KCTD8: variants seen among roughly 807,000 people sequenced by gnomAD.
The protein encoded by KCTD8 is BTB/POZ domain-containing protein KCTD8.
A neutral mutation model predicts 31.5 loss-of-function variants in KCTD8; 27 were observed. The observed-to-expected ratio is 0.86, with a 90% CI of 0.63 to 1.18. KCTD8 has a LOEUF of 1.18. Among genes scored for constraint, KCTD8 ranks in the 50% most tolerant of loss-of-function variants. The probability of loss-of-function intolerance (pLI) is 0.00; values close to 1 mark genes in which losing one functional copy is unlikely to be tolerated. For missense variants in KCTD8, 658 were observed against 647.7 expected (o/e 1.02, Z -0.17); for synonymous variants, 290 against 280.0 (o/e 1.04, Z -0.36).
At chr4:44,193,448 T>G (rs1713824051) in intron 1 of KCTD8, among the ~76,000 whole-genome samples, 1 of 152,118 alleles carries the variant, frequency 6.6e-6, no homozygotes, top group Admixed American at 6.6e-5. Context: ...ATCCTGAAAA[T>G]GGTGTTAAAA....
intron 1 of KCTD8, among the ~76,000 whole-genome samples, chr4:44,409,669 C>G (rs1266753287): frequency 1.3e-5 from 2 of 151,054 alleles, no homozygotes; most frequent in African/African-American, 4.9e-5. Flanking sequence ...TAATTACAAC[C>G]AGGTAGAAAA....
chr4:44,319,812 C>T (rs183069986), intron 1 of KCTD8, among the ~76,000 whole-genome samples: 2 of 152,096 alleles, frequency 1.3e-5, no homozygotes, highest in Non-Finnish European at 2.9e-5. Context: ...TTCCAGAAAG[C>T]CTTATGTTTT....
chr4:44,407,388 T>C (rs1017223559), intron 1 of KCTD8, among the ~76,000 whole-genome samples: 4 of 151,408 alleles, frequency 2.6e-5, no homozygotes, highest in African/African-American at 4.8e-5. Context: ...TCTCTTTTTT[T>C]CTTTTTTTTT....
chr4:44,295,876 A>G (rs1177280947), intron 1 of KCTD8, among the ~76,000 whole-genome samples: 1 of 152,178 alleles, frequency 6.6e-6, no homozygotes, highest in Non-Finnish European at 1.5e-5. Context: ...TTGGTAATTT[A>G]TTACATATTA....
At chr4:44,336,074 C>T (rs1426989593) in intron 1 of KCTD8, among the ~76,000 whole-genome samples, 4 of 138,760 alleles carry the variant, frequency 2.9e-5, no homozygotes, top group Admixed American at 7.4e-5. Flanking sequence ...GGCGTGAACC[C>T]GGGAGGCGGA....
intron 1 of KCTD8, among the ~76,000 whole-genome samples, chr4:44,367,864 T>C (rs1719682712): frequency 8.0e-6 from 1 of 125,584 alleles, no homozygotes; most frequent in Non-Finnish European, 1.7e-5. Context: ...CTATCTTAAA[T>C]GATGATAGGA....
chr4:44,217,491 T>C (rs1322539487), intron 1 of KCTD8, among the ~76,000 whole-genome samples: 1 of 152,102 alleles, frequency 6.6e-6, no homozygotes, highest in Non-Finnish European at 1.5e-5. Flanking sequence ...AAATATTAGG[T>C]GTCAACTTGA....
At chr4:44,241,088 C>T (rs1215690203) in intron 1 of KCTD8, among the ~76,000 whole-genome samples, 1 of 152,198 alleles carries the variant, frequency 6.6e-6, no homozygotes, top group African/African-American at 2.4e-5. Context: ...TGTCTGTCCT[C>T]ATTTTTGCTA....
intron 1 of KCTD8, among the ~76,000 whole-genome samples, chr4:44,334,743 C>A (rs1026308108): frequency 6.6e-6 from 1 of 151,964 alleles, no homozygotes; most frequent in African/African-American, 2.4e-5. Context: ...GAATAAAACA[C>A]CAATATTAGA....
At chr4:44,411,064 A>G (rs1334091871) in intron 1 of KCTD8, among the ~76,000 whole-genome samples, 1 of 152,172 alleles carries the variant, frequency 6.6e-6, no homozygotes, top group Non-Finnish European at 1.5e-5. Context: ...TCCCAAGAAT[A>G]GTGCATAAAA....
intron 1 of KCTD8, among the ~76,000 whole-genome samples, chr4:44,407,257 T>C (rs966857584): frequency 6.6e-6 from 1 of 152,202 alleles, no homozygotes; most frequent in Non-Finnish European, 1.5e-5. Context: ...TCCTATTTTA[T>C]TAATGTCTAG....
intron 1 of KCTD8, among the ~76,000 whole-genome samples, chr4:44,237,776 C>T (rs939389653): frequency 5.3e-5 from 8 of 152,022 alleles, no homozygotes; most frequent in African/African-American, 1.9e-4. Flanking sequence ...TTTAATCTGC[C>T]CACTTGGTTT....
chr4:44,272,044 G>T (rs1716625728), intron 1 of KCTD8, among the ~76,000 whole-genome samples: 1 of 151,434 alleles, frequency 6.6e-6, no homozygotes. Context: ...GGAGTTGAGG[G>T]CATCATGAAA....
intron 1 of KCTD8, among the ~76,000 whole-genome samples, chr4:44,288,740 G>T (rs1396631226): frequency 2.6e-5 from 4 of 151,846 alleles, no homozygotes; most frequent in Admixed American, 2.6e-4. Flanking sequence ...AAAGTTTTCT[G>T]TTTTTATATG....
intron 1 of KCTD8, among the ~76,000 whole-genome samples, chr4:44,200,458 C>T (rs1373886515): frequency 1.3e-5 from 2 of 151,908 alleles, no homozygotes; most frequent in Non-Finnish European, 2.9e-5. Flanking sequence ...GTTAATACAC[C>T]ACAATCAAGT....
intron 1 of KCTD8, among the ~76,000 whole-genome samples, chr4:44,340,766 C>T (rs1304060025): frequency 1.3e-5 from 2 of 151,854 alleles, no homozygotes; most frequent in African/African-American, 4.8e-5. Flanking sequence ...CTATATGATT[C>T]CAAAAGTCCA....
At chr4:44,434,775 T>G (rs972432346) in intron 1 of KCTD8, among the ~76,000 whole-genome samples, 1 of 151,856 alleles carries the variant, frequency 6.6e-6, no homozygotes, top group African/African-American at 2.4e-5. Context: ...CTTTACTCCA[T>G]AGGGAAAAGA....
At chr4:44,294,786 C>T (rs563736740) in intron 1 of KCTD8, among the ~76,000 whole-genome samples, 60 of 152,132 alleles carry the variant, frequency 3.9e-4, no homozygotes, top group Middle Eastern at 3.4e-3. Context: ...TATGCAGAGC[C>T]CAGTATACAG....
chr4:44,280,536 G>A (rs2109378378), intron 1 of KCTD8, among the ~76,000 whole-genome samples: 1 of 152,156 alleles, frequency 6.6e-6, no homozygotes, highest in Middle Eastern at 3.4e-3. Context: ...CTGCTCCAGA[G>A]TGAAGAAGGA....
Sources: allele counts gnomAD v4.1 joint callset (sites outside exome capture counted in the v4.1 genomes callset), GRCh38; gene constraint gnomAD v4.1.1; transcripts MANE v1.5; gene names NCBI Gene and HGNC (gene_info 2026-07-23, HGNC 2026-07-21).